ULK2: variants seen among roughly 807,000 people sequenced by gnomAD.
The protein encoded by ULK2 is serine/threonine-protein kinase ULK2.
In ULK2, 76 loss-of-function variants were observed where a neutral mutation model predicts 127.5. That is an observed-to-expected ratio of 0.60 (90% CI 0.50 to 0.72). The LOEUF (loss-of-function observed/expected upper bound fraction) is 0.72, where lower values mean the gene tolerates loss of function less well. Ranked by LOEUF, ULK2 falls within the 30% of genes least tolerant of loss-of-function variation. The probability of loss-of-function intolerance (pLI) is 0.00; values close to 1 mark genes in which losing one functional copy is unlikely to be tolerated. For synonymous variants in ULK2, 452 were observed against 461.9 expected (o/e 0.98, Z 0.28); for missense variants, 1,144 against 1,295.9 (o/e 0.88, Z 1.80).
At chr17:19,777,972 A>G (rs188794656) in intron 25 of ULK2, among the ~76,000 whole-genome samples, 1 of 152,100 alleles carries the variant, frequency 6.6e-6, no homozygotes, top group East Asian at 1.9e-4. Context: ...TCATACTAGA[A>G]CCCTTCTAAA....
At chr17:19,862,775 C>G (rs951095818) in intron 3 of ULK2, among the ~76,000 whole-genome samples, 1 of 151,894 alleles carries the variant, frequency 6.6e-6, no homozygotes, top group Non-Finnish European at 1.5e-5. Flanking sequence ...TGAAAAATGA[C>G]AGTATTTTTT....
chr17:19,815,611 C>T (rs1327799204), intron 13 of ULK2, among the ~76,000 whole-genome samples: 5 of 152,184 alleles, frequency 3.3e-5, no homozygotes, highest in Non-Finnish European at 7.4e-5. Flanking sequence ...TTTAAAAACA[C>T]ATCTAAGACA....
At chr17:19,818,435 C>T (rs1445426529) in intron 12 of ULK2, among the ~76,000 whole-genome samples, 1 of 152,116 alleles carries the variant, frequency 6.6e-6, no homozygotes. Context: ...AGTAGTCAAG[C>T]TGAGATGTGA....
intron 3 of ULK2, among the ~76,000 whole-genome samples, chr17:19,852,625 T>C (rs893189770): frequency 6.6e-6 from 1 of 151,012 alleles, no homozygotes; most frequent in Admixed American, 6.6e-5. Flanking sequence ...AAAAAAACAA[T>C]AAAGTAAATT....
At chr17:19,826,227 G>C in intron 10 of ULK2, 41 bp from the exon 11 acceptor site, 1 of 1,241,926 alleles carries the variant, frequency 8.1e-7, no homozygotes, top group East Asian at 2.7e-5. Flanking sequence ...AAGAGACATT[G>C]ACTAAACTAT....
At chr17:19,837,802 G>A (rs1168694631) in intron 10 of ULK2, among the ~76,000 whole-genome samples, 2 of 152,156 alleles carry the variant, frequency 1.3e-5, no homozygotes, top group African/African-American at 4.8e-5. Flanking sequence ...TCTCTCACCT[G>A]GGTAACGACA....
At chr17:19,819,623 C>G (rs1346983894) in intron 12 of ULK2, among the ~76,000 whole-genome samples, 2 of 152,206 alleles carry the variant, frequency 1.3e-5, no homozygotes, top group African/African-American at 4.8e-5. Flanking sequence ...GCCTATACAA[C>G]ACATTCATGC....
In ULK2 at chr17:19,780,510, T is replaced by C. The variant is rs1327018741; in HGVS notation, c.2878A>G (p.Thr960Ala). The change falls in exon 25 of 27, where the codon ACT becomes GCT. Residue 960 changes from threonine (T) to alanine (A), a missense_variant. Physicochemically the swap from Thr to Ala is moderately conservative, Grantham distance 58. Around this residue, in one of 2 missense-constraint regions of ULK2, gnomAD observed 913 missense variants for 970.5 expected, o/e 0.94. Transcript: ENST00000395544. ...CAATTATAGATGAGTTTCTCTGCAGTCACACTGTTGATTTCATCAATAAAC... is the reference window on the plus strand; with the variant it reads ...CAATTATAGATGAGTTTCTCTGCAGCCACACTGTTGATTTCATCAATAAAC... ...QRFIDEINSV[T>A]AEKLIYNCAV... The C allele has an allele frequency of 1.2e-6, 2 of 1,613,344 alleles. No individual in the cohort carries two copies. The highest frequency in any genetic ancestry group is 2.2e-5 in the East Asian group (1 of 44,830).
chr17:19,804,977 A>G, intron 14 of ULK2, 147 bp from the exon 15 acceptor site: 1 of 944,050 alleles, frequency 1.1e-6, no homozygotes, highest in South Asian at 3.8e-5. Context: ...TTGTTAAAAA[A>G]TATATAAAGC....
At chr17:19,815,192 T>G (rs1275478909) in intron 13 of ULK2, among the ~76,000 whole-genome samples, 1 of 152,124 alleles carries the variant, frequency 6.6e-6, no homozygotes, top group Non-Finnish European at 1.5e-5. Flanking sequence ...ACAGGAAGAA[T>G]ATACCCCTAG....
chr17:19,857,838 A>G (rs2042165423), intron 3 of ULK2, among the ~76,000 whole-genome samples: 1 of 152,078 alleles, frequency 6.6e-6, no homozygotes, highest in Non-Finnish European at 1.5e-5. Flanking sequence ...TCTCGCTCTC[A>G]TTACTGTACT....
At chr17:19,829,830 C>T (rs1360869440) in intron 10 of ULK2, among the ~76,000 whole-genome samples, 1 of 80,768 alleles carries the variant, frequency 1.2e-5, no homozygotes, top group Non-Finnish European at 2.5e-5. Flanking sequence ...CAGAGCGAGA[C>T]TCCATTTCAA....
chr17:19,864,840 A>G lies in ULK2; in HGVS notation c.188T>C (p.Leu63Pro). 1 of 1,318,514 alleles carries G rather than the reference A, an allele frequency of 7.6e-7. No individual in the cohort carries two copies. The highest frequency in any genetic ancestry group is 2.5e-5 in the Admixed American group (1 of 39,584). The allele number at this position is 1,318,514 out of a possible 1,614,324, so 81.7% of individuals were successfully genotyped here. A position where few individuals can be genotyped will look rare whatever the true frequency, so the allele number is the denominator to read the frequency against. The change falls in exon 3 of 27, where the codon CTT (leucine) becomes CCT (proline). Residue 63 changes from leucine (L) to proline (P), a missense_variant. Coordinates refer to ENST00000395544, the MANE Select transcript of ULK2 (RefSeq NM_014683.4). ...GAGTGCTACAATATTTTCATGCTGA[A>G]GTTCCTATTAAGAAAATTGAGAATG... ...LGKEIKILKE[L>P]QHENIVALYD... is the part of the protein sequence containing the mutation.
intron 7 of ULK2, among the ~76,000 whole-genome samples, chr17:19,843,989 C>A (rs1256973025): frequency 6.6e-6 from 1 of 152,048 alleles, no homozygotes; most frequent in African/African-American, 2.4e-5. Context: ...AAGATCAAGA[C>A]AAACATGGCA....
At position 19,783,920 on chromosome 17, in the gene ULK2, A is replaced by G. The variant is rs759934928; in HGVS notation, c.2252-15T>C. 1.3e-6 allele frequency: 2 copies of G among 1,481,596 alleles called. No individual in the cohort carries two copies. The highest frequency in any genetic ancestry group is 2.4e-5 in the East Asian group (1 of 41,546). 91.8% of individuals were successfully genotyped at this position (1,481,596 alleles called of 1,614,324 possible). A position where few individuals can be genotyped will look rare whatever the true frequency, so the allele number is the denominator to read the frequency against. ...GCTGGGCCCCACTACAAGGAAACAG[A>G]GGATACATGGCAGTGTCCAGAGTTA... On this transcript the variant is annotated splice_polypyrimidine_tract_variant and intron_variant, in intron 21 of 26. Transcript: ENST00000395544.
intron 10 of ULK2, among the ~76,000 whole-genome samples, chr17:19,834,994 G>C (rs990634537): frequency 4.0e-5 from 6 of 151,668 alleles, no homozygotes; most frequent in African/African-American, 1.5e-4. Context: ...AAAGAGGTAA[G>C]ACTGTATAAA....
At chr17:19,778,393 C>A (rs1331561180) in intron 25 of ULK2, among the ~76,000 whole-genome samples, 2 of 152,148 alleles carry the variant, frequency 1.3e-5, no homozygotes, top group Admixed American at 1.3e-4. Flanking sequence ...CCAGGAGGTG[C>A]TGTTTGTGCT....
At chr17:19,863,214 C>CA (rs568713423) in intron 3 of ULK2, among the ~76,000 whole-genome samples, 2,346 of 125,690 alleles carry the variant, frequency 0.019, 55 homozygotes, top group African/African-American at 0.061. Flanking sequence ...AGACTGTCTC[C>CA]AAAAAAAAAA....
At chr17:19,867,205 A>T in intron 1 of ULK2, 123 bp downstream of exon 1, 1 of 689,844 alleles carries the variant, frequency 1.4e-6, no homozygotes, top group Non-Finnish European at 2.2e-6. Context: ...GGCTGCGCGC[A>T]CAATAGCATA....
Sources: gnomAD v4.1 joint callset for allele counts (sites outside exome capture counted in the v4.1 genomes callset) on GRCh38, gnomAD v4.1.1 for gene constraint, gnomAD v4.1.1 regional missense constraint, MANE v1.5 for transcripts, NCBI Gene and HGNC (gene_info 2026-07-23, HGNC 2026-07-21) for gene names.